The following KIAA1958 variants were observed in gnomAD, a reference collection of about 807,000 sequenced individuals.
The protein encoded by KIAA1958 is uncharacterized protein KIAA1958.
Under a neutral mutation model 47.2 loss-of-function variants are expected in KIAA1958, and 14 were observed. The ratio of observed to expected loss-of-function variants is 0.30; its 90% confidence interval spans 0.20 to 0.46. The LOEUF (loss-of-function observed/expected upper bound fraction) is 0.46. Ranked by LOEUF, KIAA1958 falls within the 20% of genes least tolerant of loss-of-function variation. KIAA1958 has a pLI of 1.00. For synonymous variants in KIAA1958, 354 were observed against 353.3 expected (o/e 1.00, Z -0.02); for missense variants, 803 against 909.2 (o/e 0.88, Z 1.50).
At chr9:112,616,809 T>C (rs1836414361) in intron 2 of KIAA1958, among the ~76,000 whole-genome samples, 1 of 151,716 alleles carries the variant, frequency 6.6e-6, no homozygotes, top group African/African-American at 2.4e-5. Context: ...AATGATGTAA[T>C]TGAACTTAAC....
rs573664775 is a variant in KIAA1958, at chr9:112,501,390, C to T, written c.-25+14272C>T. Among the ~76,000 whole-genome samples, 5 of 151,936 alleles carry T rather than the reference C, an allele frequency of 3.3e-5. No individual in the cohort carries two copies. The South Asian group carries it at 1.0e-3, about 32-fold the overall frequency. On this transcript the variant is annotated intron_variant, in intron 1 of 3. Transcript: ENST00000337530. ...CCCAGGAGTTCAAGGCCATGGTGAG[C>T]TATAATGGCGCCGCTGCATTCTAGA... is the stretch of plus-strand genomic sequence containing the variant.
chr9:112,530,700 A>C (rs1005712899), intron 1 of KIAA1958, among the ~76,000 whole-genome samples: 4 of 152,184 alleles, frequency 2.6e-5, no homozygotes. Context: ...GAATTTTTAC[A>C]TTTCTCTGGC....
chr9:112,668,871 A>G lies in KIAA1958; in HGVS notation c.*8802A>G, dbSNP rs1239556463. ...GCTGTGACTAACAAAAGTCTGTTCA[A>G]TTTAACTACTTAGATAAGAAGCGCA... On this transcript the variant is annotated 3_prime_UTR_variant, in exon 4 of 4. Transcript: ENST00000337530. 1 of 152,234 alleles carries G rather than the reference A, an allele frequency of 6.6e-6. No homozygotes were observed. The highest frequency in any genetic ancestry group is 2.4e-5 in the African/African-American group (1 of 41,460). 9.4% of individuals were successfully genotyped at this position (152,234 alleles called of 1,614,324 possible).
chr9:112,579,046 T>G (rs1356736336), intron 2 of KIAA1958, among the ~76,000 whole-genome samples: 1 of 151,886 alleles, frequency 6.6e-6, no homozygotes, highest in Non-Finnish European at 1.5e-5. Context: ...AAAAATTTAT[T>G]TATCTTTTTC....
intron 2 of KIAA1958, among the ~76,000 whole-genome samples, chr9:112,584,721 G>A (rs1459613072): frequency 6.6e-6 from 1 of 152,186 alleles, no homozygotes; most frequent in East Asian, 1.9e-4. Flanking sequence ...CATTGCCTGA[G>A]TTCCACAAAG....
intron 1 of KIAA1958, among the ~76,000 whole-genome samples, chr9:112,515,262 G>T (rs1435484065): frequency 9.1e-6 from 1 of 109,672 alleles, no homozygotes; most frequent in African/African-American, 3.2e-5. Flanking sequence ...AGGGAGGTGG[G>T]GGGGTCAGCC....
chr9:112,552,591 G>A (rs1308937574), intron 1 of KIAA1958, among the ~76,000 whole-genome samples: 1 of 152,196 alleles, frequency 6.6e-6, no homozygotes, highest in Non-Finnish European at 1.5e-5. Context: ...GATGCTTAAT[G>A]TTCAAATATG....
chr9:112,581,880 G>A (rs1419585964), intron 2 of KIAA1958: 4 of 230,496 alleles, frequency 1.7e-5, no homozygotes, highest in Non-Finnish European at 2.8e-5. Flanking sequence ...TCTTGGTCAC[G>A]TCTGAGATCA....
chr9:112,509,113 G>A (rs923395229), intron 1 of KIAA1958, among the ~76,000 whole-genome samples: 1 of 151,020 alleles, frequency 6.6e-6, no homozygotes, highest in African/African-American at 2.4e-5. Flanking sequence ...TGTTAGAATA[G>A]TGTATGGAGA....
In KIAA1958 at chr9:112,666,728, A is replaced by G. The variant is rs1837355743; in HGVS notation, c.*6659A>G. Reference sequence around the variant, plus strand: ...TCATGAAACAGGCCCTGTGAAATTAAAAACATGAAAGCTATTTAGTACTTG... The same window carrying G: ...TCATGAAACAGGCCCTGTGAAATTAGAAACATGAAAGCTATTTAGTACTTG... On this transcript the variant is annotated 3_prime_UTR_variant, in exon 4 of 4. Transcript: ENST00000337530. The G allele has an allele frequency of 6.6e-6, 1 of 152,224 alleles. No homozygotes were observed. The allele number at this position is 152,224 out of a possible 1,614,324, so 9.4% of individuals were successfully genotyped here. A position where few individuals can be genotyped will look rare whatever the true frequency, so the allele number is the denominator to read the frequency against.
intron 1 of KIAA1958, among the ~76,000 whole-genome samples, chr9:112,550,337 A>G (rs775212564): frequency 2.7e-4 from 41 of 152,180 alleles, no homozygotes; most frequent in Admixed American, 1.0e-3. Flanking sequence ...TGATGAATCT[A>G]TGTAAGGGAG....
chr9:112,616,542 A>C (rs570993789), intron 2 of KIAA1958, among the ~76,000 whole-genome samples: 1 of 152,362 alleles, frequency 6.6e-6, no homozygotes, highest in Non-Finnish European at 1.5e-5. Flanking sequence ...TAAGATAAAC[A>C]AAATACTTTT....
intron 1 of KIAA1958, among the ~76,000 whole-genome samples, chr9:112,532,144 A>T (rs1330800463): frequency 6.6e-6 from 1 of 152,120 alleles, no homozygotes; most frequent in Non-Finnish European, 1.5e-5. Flanking sequence ...TGAGTTCATG[A>T]TTCAGGCTTG....
At chr9:112,622,090 G>A (rs1332679589) in intron 2 of KIAA1958, among the ~76,000 whole-genome samples, 2 of 152,150 alleles carry the variant, frequency 1.3e-5, no homozygotes, top group Non-Finnish European at 2.9e-5. Flanking sequence ...ATGATACTGA[G>A]AAGATAGCAC....
chr9:112,550,239 T>C (rs1835118741), intron 1 of KIAA1958, among the ~76,000 whole-genome samples: 1 of 150,844 alleles, frequency 6.6e-6, no homozygotes, highest in Admixed American at 6.6e-5. Flanking sequence ...TCTGAGTGTA[T>C]CTGCAGACAC....
chr9:112,615,419 CAAAAAA>C (rs35748661), intron 2 of KIAA1958, among the ~76,000 whole-genome samples: 1 of 103,578 alleles, frequency 9.7e-6, no homozygotes, highest in Non-Finnish European at 1.8e-5. Context: ...GGCTCCGTCT[CAAAAAA>C]AAAAAAAAAA....
intron 3 of KIAA1958, among the ~76,000 whole-genome samples, chr9:112,651,235 A>T (rs537898222): frequency 1.3e-5 from 2 of 152,164 alleles, no homozygotes; most frequent in Non-Finnish European, 2.9e-5. Context: ...AATGCCATGG[A>T]ATATTCACCA....
intron 1 of KIAA1958, among the ~76,000 whole-genome samples, chr9:112,557,307 C>T (rs1470641597): frequency 2.0e-5 from 3 of 152,130 alleles, no homozygotes; most frequent in African/African-American, 7.2e-5. Context: ...GTTCAAGGTG[C>T]TAAAGACAGT....
Position 112,601,117 on chromosome 9 carries a change from A to G in KIAA1958, c.1171+25866A>G, listed in dbSNP as rs1160376791. ...CCTGAAAGGGGTCAGCTAAGATAAG[A>G]ATTGGAAAATGGTCTTTGGCCATTA... On this transcript the variant is annotated intron_variant, in intron 2 of 3. Coordinates refer to ENST00000337530, the MANE Select transcript of KIAA1958 (RefSeq NM_133465.4). 3.9e-5 allele frequency among the ~76,000 whole-genome samples: 6 copies of G among 152,196 alleles called. No individual in the cohort carries two copies. The East Asian group carries it at 1.2e-3, about 29-fold the overall frequency.
Sources: allele counts gnomAD v4.1 joint callset (sites outside exome capture counted in the v4.1 genomes callset), GRCh38; gene constraint gnomAD v4.1.1; transcripts MANE v1.5; gene names NCBI Gene and HGNC (gene_info 2026-07-23, HGNC 2026-07-21).